SLC26A8: variants seen among roughly 807,000 people sequenced by gnomAD.
SLC26A8 encodes the protein testis anion transporter 1.
Under a neutral mutation model 105.0 loss-of-function variants are expected in SLC26A8, and 70 were observed. The observed-to-expected ratio is 0.67, with a 90% CI of 0.55 to 0.81. The LOEUF is 0.81. Ranked by LOEUF, SLC26A8 falls within the 40% of genes least tolerant of loss-of-function variation. SLC26A8 has a pLI of 0.00. For missense variants in SLC26A8, 998 were observed against 1,181.8 expected (o/e 0.84, Z 2.28); for synonymous variants, 415 against 438.3 (o/e 0.95, Z 0.66).
chr6:35,964,966 CAAA>C (rs34171959), intron 11 of SLC26A8, among the ~76,000 whole-genome samples: 1 of 122,882 alleles, frequency 8.1e-6, no homozygotes, highest in Non-Finnish European at 1.8e-5. Flanking sequence ...GACCATGTCT[CAAA>C]AAAAAAAAAA....
intron 6 of SLC26A8, among the ~76,000 whole-genome samples, chr6:35,992,244 G>T (rs1207977289): frequency 1.3e-5 from 2 of 152,134 alleles, no homozygotes; most frequent in Admixed American, 1.3e-4. Flanking sequence ...TATCTTAAAG[G>T]CCAAATTTTA....
intron 11 of SLC26A8, among the ~76,000 whole-genome samples, chr6:35,965,997 A>T (rs2127305247): frequency 7.5e-6 from 1 of 133,334 alleles, no homozygotes; most frequent in African/African-American, 2.8e-5. Flanking sequence ...GGAGACTCTC[A>T]TCTCAAAAAA....
intron 8 of SLC26A8, among the ~76,000 whole-genome samples, chr6:35,977,782 C>T (rs66792110): frequency 0.044 from 6,693 of 152,006 alleles, 195 homozygotes; most frequent in Non-Finnish European, 0.065. Flanking sequence ...TGTCAACATA[C>T]GGCTGGGTGC....
At chr6:35,986,253 C>T (rs1435819866) in intron 7 of SLC26A8, among the ~76,000 whole-genome samples, 9 of 151,988 alleles carry the variant, frequency 5.9e-5, no homozygotes, top group Non-Finnish European at 1.2e-4. Flanking sequence ...AGGCTGGTAT[C>T]GAACTCCTGA....
intron 19 of SLC26A8, among the ~76,000 whole-genome samples, chr6:35,950,873 C>T (rs1034835938): frequency 6.6e-6 from 1 of 152,144 alleles, no homozygotes; most frequent in Non-Finnish European, 1.5e-5. Flanking sequence ...TCCTTGAGGT[C>T]TGTGCTGGGT....
intron 3 of SLC26A8, among the ~76,000 whole-genome samples, chr6:36,001,865 A>G (rs755941122): frequency 1.2e-4 from 19 of 152,214 alleles, no homozygotes; most frequent in Non-Finnish European, 2.4e-4. Context: ...TGAGCCTGGA[A>G]GCAGATCCTC....
chr6:35,948,711 A>T (rs979660830), intron 19 of SLC26A8, among the ~76,000 whole-genome samples: 1 of 152,256 alleles, frequency 6.6e-6, no homozygotes, highest in Non-Finnish European at 1.5e-5. Context: ...TGAAAATAAC[A>T]TATCAGTAGG....
chr6:35,977,401 G>A (rs761223546), intron 8 of SLC26A8, 50 bp from the exon 9 acceptor site: 9 of 1,565,992 alleles, frequency 5.7e-6, no homozygotes, highest in Admixed American at 1.8e-5. Context: ...TCCTTTCTTG[G>A]TACCTCCGCC....
In SLC26A8 at chr6:35,993,483, A is replaced by G. The variant is rs75162084; in HGVS notation, c.628-809T>C. 5.1e-4 allele frequency among the ~76,000 whole-genome samples: 77 copies of G among 152,228 alleles called. 1 individual carries two copies. The East Asian group carries it at 0.012, about 23-fold the overall frequency. On this transcript the variant is annotated intron_variant, in intron 5 of 19. Coordinates refer to ENST00000490799, the MANE Select transcript of SLC26A8 (RefSeq NM_052961.4). The stretch of plus-strand genomic sequence containing the variant: ...ATCTTTACTGAGAATAATTAAATTG[A>G]ATTTATTTATGTTTTCAGGATTATG...
At chr6:36,017,351 A>G (rs754462276) in intron 2 of SLC26A8, among the ~76,000 whole-genome samples, 1 of 151,932 alleles carries the variant, frequency 6.6e-6, no homozygotes, top group Non-Finnish European at 1.5e-5. Flanking sequence ...ACTCTTCTAC[A>G]TCAGGTGCGG....
intron 2 of SLC26A8, among the ~76,000 whole-genome samples, chr6:36,015,106 C>CTT (rs771966624): frequency 1.6e-4 from 20 of 127,010 alleles, no homozygotes; most frequent in African/African-American, 2.0e-4. Flanking sequence ...CAAAATTGTG[C>CTT]TTTTTTTTTT....
chr6:36,015,884 T>C (rs369080993), intron 2 of SLC26A8, among the ~76,000 whole-genome samples: 3 of 151,912 alleles, frequency 2.0e-5, no homozygotes, highest in Admixed American at 6.6e-5. Flanking sequence ...CATGTGCCAA[T>C]TGTGGGTGAT....
Position 35,955,227 on chromosome 6 carries a change from G to T in SLC26A8, c.2157C>A (p.Pro719=). The change falls in exon 17 of 20, where the codon CCC becomes CCA. Residue 719 remains proline, a synonymous_variant. Coordinates refer to ENST00000490799, the MANE Select transcript of SLC26A8 (RefSeq NM_052961.4). ...LIPYSDASLL[P]SVHTIILDFS... The stretch of plus-strand genomic sequence containing the variant: ...AATCCAGGATGATGGTGTGGACACT[G>T]GGCAGTAGAGACGCATCTGAGTAAG... The T allele has an allele frequency of 1.2e-6, 2 of 1,614,160 alleles. No individual in the cohort carries two copies. The highest frequency in any genetic ancestry group is 1.7e-6 in the Non-Finnish European group (2 of 1,180,026).
intron 14 of SLC26A8, 171 bp downstream of exon 14, chr6:35,960,672 A>AT: frequency 4.4e-6 from 3 of 677,372 alleles, no homozygotes; most frequent in East Asian, 5.4e-5. Context: ...CCAAAAAAAA[A>AT]AATAAAAACA....
In SLC26A8 at chr6:35,944,271, T is replaced by C. The variant is rs780212413; in HGVS notation, c.2542A>G (p.Ile848Val). Reference protein sequence around the residue: ...GSQKNVSPGFIKIQQPVEEES... With the variant: ...GSQKNVSPGFVKIQQPVEEES... ...TCTTCTACAGGCTGTTGGATCTTGA[T>C]GAAGCCTGGACTTACATTTTTTTGG... is the stretch of plus-strand genomic sequence containing the variant. The change falls in exon 20 of 20, where the codon ATC becomes GTC. Residue 848 changes from isoleucine (I) to valine (V), a missense_variant. Coordinates refer to ENST00000490799, the MANE Select transcript of SLC26A8 (RefSeq NM_052961.4). 14 of 1,614,064 alleles carry C rather than the reference T, an allele frequency of 8.7e-6. No individual in the cohort carries two copies. In the African/African-American group the frequency reaches 1.3e-4, roughly 15 times the overall value.
At chr6:35,994,695 C>T (rs1761299654) in intron 5 of SLC26A8, among the ~76,000 whole-genome samples, 1 of 151,680 alleles carries the variant, frequency 6.6e-6, no homozygotes, top group African/African-American at 2.4e-5. Context: ...CCCACCTCAG[C>T]CTCCCGAGTA....
intron 3 of SLC26A8, among the ~76,000 whole-genome samples, chr6:36,008,627 C>T (rs1199048455): frequency 6.6e-6 from 1 of 152,098 alleles, no homozygotes; most frequent in Non-Finnish European, 1.5e-5. Context: ...TTGCAAAACA[C>T]AAAAGACAAA....
chr6:36,004,106 C>T (rs1346814851), intron 3 of SLC26A8, among the ~76,000 whole-genome samples: 34 of 139,760 alleles, frequency 2.4e-4, no homozygotes, highest in African/African-American at 7.6e-4. Flanking sequence ...GACAGAGTCT[C>T]GCTCTGTTGC....
intron 14 of SLC26A8, chr6:35,960,254 G>C (rs759583606): frequency 8.8e-5 from 14 of 158,460 alleles, no homozygotes; most frequent in Non-Finnish European, 1.7e-4. Flanking sequence ...TGCTTTTCCT[G>C]CTGTCTTCTT....
Sources: allele counts gnomAD v4.1 joint callset (sites outside exome capture counted in the v4.1 genomes callset), GRCh38; gene constraint gnomAD v4.1.1; transcripts MANE v1.5; gene names NCBI Gene and HGNC (gene_info 2026-07-23, HGNC 2026-07-21).